Variants in TONSL observed in about 807,000 individuals in gnomAD.
The protein encoded by TONSL is tonsoku-like protein.
Under a neutral mutation model 147.1 loss-of-function variants are expected in TONSL, and 112 were observed. The observed-to-expected ratio is 0.76, with a 90% CI of 0.65 to 0.89. The LOEUF is 0.89. Among genes scored for constraint, TONSL ranks in the 40% least tolerant of loss-of-function variants. The pLI is 0.00. For synonymous variants in TONSL, 868 were observed against 801.5 expected, an observed-to-expected ratio of 1.08 and a Z score of -1.40; for missense variants, 1,883 against 1,864.6, an observed-to-expected ratio of 1.01 and a Z score of -0.18.
At chr8:144,440,581 C>A in intron 9 of TONSL, 105 bp from the exon 10 acceptor site, 2 of 1,520,890 alleles carry the variant, frequency 1.3e-6, no homozygotes, top group East Asian at 2.3e-5. Flanking sequence ...CCCGGCCTCC[C>A]AGCTGCCGAG....
chr8:144,436,471 C>G, intron 16 of TONSL, 53 bp from the exon 17 acceptor site: 1 of 1,555,664 alleles, frequency 6.4e-7, no homozygotes, highest in Non-Finnish European at 8.7e-7. Flanking sequence ...TCCCGCTCCA[C>G]CTGTGATGGA....
Position 144,433,978 on chromosome 8 carries a change from C to T in TONSL, c.3387G>A (p.Gln1129=), listed in dbSNP as rs1554879315. The T allele has an allele frequency of 6.3e-7, 1 of 1,580,650 alleles. No homozygotes were observed. The highest frequency in any genetic ancestry group is 8.6e-7 in the Non-Finnish European group (1 of 1,161,088). Residue 1129 remains glutamine, a splice_region_variant and synonymous_variant, in exon 21 of 26, where the codon CAG becomes CAA. Coordinates refer to ENST00000409379, the MANE Select transcript of TONSL (RefSeq NM_013432.5). The stretch of plus-strand genomic sequence containing the variant: ...GGCCTGCTGCTCTCTGTGCCTATAC[C>T]TGCAAGGTGGCTTGGCCTGGGAGCC... ...AMGLPGQATL[Q]SLEELDLSMN...
intron 20 of TONSL, 105 bp downstream of exon 20, chr8:144,434,706 A>G: frequency 7.7e-7 from 1 of 1,297,212 alleles, no homozygotes; most frequent in Non-Finnish European, 1.1e-6. Context: ...GGGGAGGTGC[A>G]CCCCAAAACA....
rs1162364869 is a variant in TONSL, at chr8:144,436,403, TGGGAGCTGTG to T, written c.2020_2029del (p.His674ArgfsTer19). On this transcript the variant is annotated frameshift_variant, in exon 17 of 26. Transcript: ENST00000409379. LOFTEE classifies it high-confidence loss of function. ...AAGGCTGCTTGGGGTGTGGAAGGCC[TGGGAGCTGTG>T]GGGATCTGTGGGAGAGAGAATGCGT... 2.7e-6 allele frequency: 4 copies of T among 1,508,600 alleles called. No individual in the cohort carries two copies. Among genetic ancestry groups the T allele is most frequent in the Non-Finnish European group, 3.5e-6 (4 of 1,134,736 alleles). 93.5% of individuals were successfully genotyped at this position (1,508,600 alleles called of 1,614,324 possible).
chr8:144,436,147 G>C lies in TONSL; in HGVS notation c.2286C>G (p.Cys762Trp). The change falls in exon 17 of 26, where the codon TGC (cysteine) becomes TGG (tryptophan). Residue 762 changes from cysteine to tryptophan, a missense_variant. Cys to Trp is a radical substitution (Grantham distance 215, BLOSUM62 -2). Coordinates refer to ENST00000409379, the MANE Select transcript of TONSL (RefSeq NM_013432.5). ...CTGCCACCCGTTGTGCTGTGGCCGAGCACCGAGGCCTCTTCTGGGACGGCC... is the reference window on the plus strand; with the variant it reads ...CTGCCACCCGTTGTGCTGTGGCCGACCACCGAGGCCTCTTCTGGGACGGCC... Reference protein sequence around the residue: ...PARPSQKRPRCSATAQRVAAW... With the variant: ...PARPSQKRPRWSATAQRVAAW... 1 of 1,568,046 alleles carries C rather than the reference G, an allele frequency of 6.4e-7. No homozygotes were observed. Among genetic ancestry groups the C allele is most frequent in the Admixed American group, 1.8e-5 (1 of 54,790 alleles).
rs1449263422 is a variant in TONSL at position 144,443,741 on chromosome 8, C to T, written c.264+141G>A. 17 of 1,219,934 alleles carry T rather than the reference C, an allele frequency of 1.4e-5. No homozygotes were observed. In the Admixed American group the frequency reaches 3.5e-4, roughly 25 times the overall value. The allele number at this position is 1,219,934 out of a possible 1,614,324, so 75.6% of individuals were successfully genotyped here. ...TGGGGTCCCCACCGGAGGACTGGCC[C>T]GGGGCGGTGAAGGCAAGGCTGCGTC... On this transcript the variant is annotated intron_variant, in intron 3 of 25. Coordinates refer to ENST00000409379, the MANE Select transcript of TONSL (RefSeq NM_013432.5).
In TONSL at chr8:144,443,925, C is replaced by T; in HGVS notation, c.221G>A (p.Gly74Glu). 6.5e-7 allele frequency: 1 copy of T among 1,545,130 alleles called. No individual in the cohort carries two copies. The highest frequency in any genetic ancestry group is 8.7e-7 in the Non-Finnish European group (1 of 1,146,694). The stretch of plus-strand genomic sequence containing the variant: ...GTCCTCCATCTCGGCCAGGCGCTCT[C>T]CGATCTTGCGGTGGGCCACGGCACA... ...LGCAVAHRKIGERLAEMEDYP... is the reference protein window; with the variant it reads ...LGCAVAHRKIEERLAEMEDYP... Residue 74 changes from glycine (G) to glutamate (E), a missense_variant, in exon 3 of 26, where the codon GGA becomes GAA. Transcript: ENST00000409379.
At position 144,436,926 on chromosome 8, in the gene TONSL, G is replaced by A. The variant is rs1275893108; in HGVS notation, c.1727-6C>T. ...CAGCAGGAAGCGGACAATTTCTGCA[G>A]ACCAGGAGACGTAAGCCCAGCTCCC... On this transcript the variant is annotated splice_polypyrimidine_tract_variant and splice_region_variant and intron_variant, in intron 14 of 25. Coordinates refer to ENST00000409379, the MANE Select transcript of TONSL (RefSeq NM_013432.5). 1 of 1,609,238 alleles carries A rather than the reference G, an allele frequency of 6.2e-7. No individual in the cohort carries two copies. The highest frequency in any genetic ancestry group is 1.7e-5 in the Admixed American group (1 of 59,996).
Position 144,442,292 on chromosome 8 carries a change from G to A in TONSL, c.699C>T (p.His233=), listed in dbSNP as rs770780003. The A allele has an allele frequency of 2.5e-6, 4 of 1,598,700 alleles. No homozygotes were observed. The South Asian group carries it at 3.3e-5, about 13-fold the overall frequency. ...TCTCCATGAACCGCTTCCTCATGGT[G>A]TGCGCACACTCCCGGGCACCCTCCA... ...RCLEGARECA[H]TMRKRFMESE... Residue 233 remains histidine (H), a synonymous_variant, in exon 6 of 26, where the codon CAC becomes CAT. Coordinates refer to ENST00000409379, the MANE Select transcript of TONSL (RefSeq NM_013432.5).
chr8:144,437,378 G>A (rs904384666), intron 13 of TONSL, among the ~76,000 whole-genome samples: 8 of 152,356 alleles, frequency 5.3e-5, no homozygotes, highest in Admixed American at 2.6e-4. Flanking sequence ...TGAGGCAGGC[G>A]GGGCGGGAAG....
At position 144,436,907 on chromosome 8, in the gene TONSL, G is replaced by A. The variant is rs1432380058; in HGVS notation, c.1740C>T (p.Phe580=). 1 of 1,608,700 alleles carries A rather than the reference G, an allele frequency of 6.2e-7. No individual in the cohort carries two copies. The highest frequency in any genetic ancestry group is 1.7e-5 in the Admixed American group (1 of 60,004). Residue 580 remains phenylalanine, a synonymous_variant, in exon 15 of 26, where the codon TTC becomes TTT. Transcript: ENST00000409379. ...CNYGHLEIVR[F]LLDHGAAVDD... Reference sequence around the variant, plus strand: ...CCACTGCGGCCCCGTGGTCCAGCAGGAAGCGGACAATTTCTGCAGACCAGG... The same window carrying A: ...CCACTGCGGCCCCGTGGTCCAGCAGAAAGCGGACAATTTCTGCAGACCAGG...
chr8:144,431,195 A>G, intron 23 of TONSL, 44 bp from the exon 24 acceptor site: 2 of 1,598,482 alleles, frequency 1.3e-6, no homozygotes, highest in Non-Finnish European at 1.7e-6. Flanking sequence ...GGAGTGGCGC[A>G]CCTGCCCTGC....
intron 25 of TONSL, among the ~76,000 whole-genome samples, chr8:144,429,659 C>G (rs1554878214): frequency 6.6e-6 from 1 of 152,168 alleles, no homozygotes; most frequent in African/African-American, 2.4e-5. Flanking sequence ...CATCGTGGGC[C>G]TGAGTGGATC....
At chr8:144,443,351 G>A (rs1307008660) in intron 3 of TONSL, 30 bp from the exon 4 acceptor site, 3 of 1,534,098 alleles carry the variant, frequency 2.0e-6, no homozygotes, top group African/African-American at 2.7e-5. Context: ...ACTGCTGTGA[G>A]CCGACTCCGC....
chr8:144,440,546 C>G (rs752251434), intron 9 of TONSL, 70 bp from the exon 10 acceptor site: 30 of 1,533,362 alleles, frequency 2.0e-5, no homozygotes, highest in Non-Finnish European at 2.6e-5. Flanking sequence ...GTCAAGCTTC[C>G]CCGGCTGCCC....
chr8:144,443,740 C>T, intron 3 of TONSL, 142 bp downstream of exon 3: 1 of 1,216,664 alleles, frequency 8.2e-7, no homozygotes, highest in Non-Finnish European at 1.1e-6. Flanking sequence ...GAGGACTGGC[C>T]CGGGGCGGTG....
rs780463995 is a variant in TONSL at position 144,436,104 on chromosome 8, C to T, written c.2329G>A (p.Ala777Thr). 1.7e-5 allele frequency: 27 copies of T among 1,556,648 alleles called. No homozygotes were observed. In the South Asian group the frequency reaches 1.8e-4, roughly 11 times the overall value. ...GCTGTGGCTGCTTCCCTGTTGCTGG[C>T]GGGGCCAGGCGTCCAGGCTGCCACC... ...QRVAAWTPGP[A>T]SNREAATAST... Residue 777 changes from alanine (A) to threonine (T), a missense_variant, in exon 17 of 26, where the codon GCC becomes ACC. Coordinates refer to ENST00000409379, the MANE Select transcript of TONSL (RefSeq NM_013432.5).
Position 144,442,783 on chromosome 8 carries a change from T to A in TONSL, c.472A>T (p.Asn158Tyr). 1 of 1,612,640 alleles carries A rather than the reference T, an allele frequency of 6.2e-7. No homozygotes were observed. The highest frequency in any genetic ancestry group is 8.5e-7 in the Non-Finnish European group (1 of 1,179,838). ...AGATAGAGGCGGGTCCTCATCTCATTCAGCTCTCCCTGGGCCAGTGTCCCT... is the reference window on the plus strand; with the variant it reads ...AGATAGAGGCGGGTCCTCATCTCATACAGCTCTCCCTGGGCCAGTGTCCCT... ...LEGTLAQGEL[N>Y]EMRTRLYLNL... is the part of the protein sequence containing the mutation. The change falls in exon 5 of 26, where the codon AAT (asparagine) becomes TAT (tyrosine). Residue 158 changes from asparagine to tyrosine, a missense_variant. Transcript: ENST00000409379.
At position 144,435,171 on chromosome 8, in the gene TONSL, C is replaced by A. The variant is rs1359057836; in HGVS notation, c.2853-1G>T. 1 of 1,536,996 alleles carries A rather than the reference C, an allele frequency of 6.5e-7. No homozygotes were observed. The highest frequency in any genetic ancestry group is 8.8e-7 in the Non-Finnish European group (1 of 1,142,848). On this transcript the variant is annotated splice_acceptor_variant, in intron 18 of 25. Transcript: ENST00000409379. LOFTEE classifies it high-confidence loss of function. ...CCAGGCCACAGAGTGGGTGTCACTG[C>A]TGCAGGGACAGAGGCGCTGCTGCTG...
Sources: allele counts gnomAD v4.1 joint callset (sites outside exome capture counted in the v4.1 genomes callset), GRCh38; gene constraint gnomAD v4.1.1; transcripts MANE v1.5; gene names NCBI Gene and HGNC (gene_info 2026-07-23, HGNC 2026-07-21).